Variants in SCN2A observed in about 807,000 individuals in gnomAD.
SCN2A encodes the protein sodium voltage-gated channel alpha subunit 2, also known as sodium channel protein type 2 subunit alpha.
SCN2A carries 20 observed loss-of-function variants against 188.7 expected under a neutral mutation model. The observed-to-expected ratio is 0.11, with a 90% CI of 0.07 to 0.15. The LOEUF is 0.15. SCN2A is among the 10% of genes least tolerant of loss of function. SCN2A has a pLI of 1.00. For synonymous variants in SCN2A, 804 were observed against 833.1 expected, an observed-to-expected ratio of 0.97 and a Z score of 0.60; for missense variants, 1,278 against 2,445.0, an observed-to-expected ratio of 0.52 and a Z score of 10.07.
At chr2:165,266,497 T>A (rs1353131505) in intron 1 of SCN2A, 1 of 152,142 alleles carries the variant, frequency 6.6e-6, no homozygotes, top group Admixed American at 6.6e-5. Flanking sequence ...GTTTCCTGTG[T>A]ATCAAGTTTC....
At chr2:165,307,396 A>C (rs1300281386) in intron 3 of SCN2A, among the ~76,000 whole-genome samples, 1 of 152,100 alleles carries the variant, frequency 6.6e-6, no homozygotes, top group African/African-American at 2.4e-5. Flanking sequence ...CCCTCTGTTT[A>C]GAAAGGACCT....
chr2:165,323,325 C>A lies in SCN2A; in HGVS notation c.1841C>A (p.Pro614Gln). 2 of 1,614,144 alleles carry A rather than the reference C, an allele frequency of 1.2e-6. No homozygotes were observed. Among genetic ancestry groups the A allele is most frequent in the Non-Finnish European group, 1.7e-6 (2 of 1,180,026 alleles). Residue 614 changes from proline (P) to glutamine (Q), a missense_variant, in exon 12 of 27, where the codon CCG becomes CAG. Around this residue, in one of 17 missense-constraint regions of SCN2A, gnomAD observed 315 missense variants for 386.6 expected, o/e 0.81. Coordinates refer to ENST00000375437, the MANE Select transcript of SCN2A (RefSeq NM_001040142.2). ...NDSRRDSLFV[P>Q]HRHGERRHSN... ...AGCCGAAGAGACTCTCTGTTCGTGC[C>A]GCACAGACATGGAGAACGGCGCCAC...
intron 3 of SCN2A, among the ~76,000 whole-genome samples, chr2:165,299,556 A>T (rs1364530541): frequency 6.6e-6 from 1 of 152,256 alleles, no homozygotes; most frequent in Non-Finnish European, 1.5e-5. Flanking sequence ...AACAAAAGGC[A>T]GTGAGGCTAA....
In SCN2A at chr2:165,313,919, G is replaced by A. The variant is rs1436893477; in HGVS notation, c.1194G>A (p.Gly398=). 1.9e-6 allele frequency: 3 copies of A among 1,613,682 alleles called. No homozygotes were observed. In the African/African-American group the frequency reaches 4.0e-5, roughly 22 times the overall value. The change falls in exon 10 of 27, where the codon GGG becomes GGA. Residue 398 remains glycine, a synonymous_variant. Coordinates refer to ENST00000375437, the MANE Select transcript of SCN2A (RefSeq NM_001040142.2). The stretch of plus-strand genomic sequence containing the variant: ...TTTTGCAGACACTACGTGCTGCTGG[G>A]AAAACGTACATGATATTTTTTGTGC... The part of the protein sequence containing the change: ...NLYQLTLRAA[G]KTYMIFFVLV...
chr2:165,248,210 G>T (rs1369739001), intron 1 of SCN2A, among the ~76,000 whole-genome samples: 1 of 152,026 alleles, frequency 6.6e-6, no homozygotes, highest in Non-Finnish European at 1.5e-5. Flanking sequence ...GTAAGATTAC[G>T]CCACATCCCT....
chr2:165,358,187 T>C (rs1700277066), intron 17 of SCN2A, among the ~76,000 whole-genome samples: 1 of 152,142 alleles, frequency 6.6e-6, no homozygotes, highest in African/African-American at 2.4e-5. Flanking sequence ...AAAGGAGAAA[T>C]GTAGGTGCTC....
Position 165,354,518 on chromosome 2 carries a change from A to G in SCN2A, c.3246A>G (p.Val1082=). 1.2e-6 allele frequency: 2 copies of G among 1,614,152 alleles called. No individual in the cohort carries two copies. The highest frequency in any genetic ancestry group is 1.3e-5 in the African/African-American group (1 of 75,056). ...NGTTSGIGSS[V]EKYVVDESDY... is the part of the protein sequence containing the mutation. ...CTACTAGTGGCATAGGCAGCAGTGTAGAAAAATATGTCGTGGATGAAAGTG... is the reference window on the plus strand; with the variant it reads ...CTACTAGTGGCATAGGCAGCAGTGTGGAAAAATATGTCGTGGATGAAAGTG... The change falls in exon 17 of 27, where the codon GTA becomes GTG. Residue 1082 remains valine, a synonymous_variant. Transcript: ENST00000375437.
intron 25 of SCN2A, among the ~76,000 whole-genome samples, chr2:165,381,567 G>A (rs904582555): frequency 3.3e-5 from 5 of 151,942 alleles, no homozygotes; most frequent in South Asian, 4.2e-4. Context: ...GAGACAGATC[G>A]GAATAATTGG....
chr2:165,318,552 C>A (rs567822274), intron 11 of SCN2A, among the ~76,000 whole-genome samples: 1 of 152,156 alleles, frequency 6.6e-6, no homozygotes, highest in Non-Finnish European at 1.5e-5. Context: ...TTGATGCTAA[C>A]GGATGGGGCA....
chr2:165,381,339 G>A, intron 25 of SCN2A, 142 bp downstream of exon 25: 1 of 573,440 alleles, frequency 1.7e-6, no homozygotes, highest in Non-Finnish European at 3.2e-6. Flanking sequence ...AGCCTAAATA[G>A]CTTGAAAAAT....
intron 15 of SCN2A, among the ~76,000 whole-genome samples, chr2:165,343,860 A>C (rs1429275990): frequency 6.6e-6 from 1 of 152,220 alleles, no homozygotes; most frequent in African/African-American, 2.4e-5. Flanking sequence ...TATGTTTAAA[A>C]TATAGCCTAA....
In SCN2A at chr2:165,323,334, A is replaced by G; in HGVS notation, c.1850A>G (p.His617Arg). Reference protein sequence around the residue: ...RRDSLFVPHRHGERRHSNVSQ... With the variant: ...RRDSLFVPHRRGERRHSNVSQ... ...GACTCTCTGTTCGTGCCGCACAGAC[A>G]TGGAGAACGGCGCCACAGCAATGTC... Residue 617 changes from histidine to arginine, a missense_variant, in exon 12 of 27, where the codon CAT (histidine) becomes CGT (arginine). Around this residue, in one of 17 missense-constraint regions of SCN2A, gnomAD observed 315 missense variants for 386.6 expected, o/e 0.81. Coordinates refer to ENST00000375437, the MANE Select transcript of SCN2A (RefSeq NM_001040142.2). 1 of 1,614,194 alleles carries G rather than the reference A, an allele frequency of 6.2e-7. No individual in the cohort carries two copies.
At chr2:165,280,221 C>T (rs979073994) in intron 1 of SCN2A, among the ~76,000 whole-genome samples, 1 of 152,158 alleles carries the variant, frequency 6.6e-6, no homozygotes, top group African/African-American at 2.4e-5. Context: ...CTACTATGTA[C>T]TCAGACTATT....
chr2:165,243,684 C>CT (rs1693720373), intron 1 of SCN2A: 1 of 151,734 alleles, frequency 6.6e-6, no homozygotes, highest in African/African-American at 2.4e-5. Context: ...CCAGAAGTTC[C>CT]TTTTTTCTCC....
At chr2:165,338,953 G>A (rs559321804) in intron 14 of SCN2A, among the ~76,000 whole-genome samples, 5 of 152,286 alleles carry the variant, frequency 3.3e-5, no homozygotes, top group African/African-American at 1.2e-4. Flanking sequence ...GGGCGTGGAG[G>A]CTCACGCCTG....
chr2:165,313,151 T>G (rs886748165), intron 8 of SCN2A, among the ~76,000 whole-genome samples: 4 of 152,120 alleles, frequency 2.6e-5, no homozygotes, highest in Admixed American at 6.6e-5. Context: ...AAGCCAGGTC[T>G]GCTTGATCTT....
In SCN2A at chr2:165,360,278, T is replaced by G. The variant is rs536190538; in HGVS notation, c.3400-4865T>G. On this transcript the variant is annotated intron_variant, in intron 17 of 26. Coordinates refer to ENST00000375437, the MANE Select transcript of SCN2A (RefSeq NM_001040142.2). Reference sequence around the variant, plus strand: ...GTGATTCATTATTTTTGAAAATAATTTACTTTCATTTGCTCACATTTGCTG... The same window carrying G: ...GTGATTCATTATTTTTGAAAATAATGTACTTTCATTTGCTCACATTTGCTG... Among the ~76,000 whole-genome samples the G allele has an allele frequency of 1.6e-4, 25 of 152,106 alleles. No homozygotes were observed. In the South Asian group the frequency reaches 5.2e-3, roughly 32 times the overall value.
intron 24 of SCN2A, 123 bp downstream of exon 24, chr2:165,380,852 C>A: frequency 2.3e-6 from 2 of 856,802 alleles, no homozygotes; most frequent in Non-Finnish European, 3.6e-6. Flanking sequence ...TATTTTGAGA[C>A]ATTTGATAAT....
chr2:165,361,563 G>T (rs1326853771), intron 17 of SCN2A, among the ~76,000 whole-genome samples: 2 of 151,996 alleles, frequency 1.3e-5, no homozygotes, highest in Non-Finnish European at 2.9e-5. Context: ...ATAAATACTG[G>T]ATTGGCTGAC....
Sources: gnomAD v4.1 joint callset for allele counts (sites outside exome capture counted in the v4.1 genomes callset) on GRCh38, gnomAD v4.1.1 for gene constraint, gnomAD v4.1.1 regional missense constraint, MANE v1.5 for transcripts, NCBI Gene and HGNC (gene_info 2026-07-23, HGNC 2026-07-21) for gene names.